Variants in WWP1 observed in about 807,000 individuals in gnomAD.
WWP1 encodes the protein NEDD4-like E3 ubiquitin-protein ligase WWP1.
WWP1 carries 49 observed loss-of-function variants against 130.6 expected under a neutral mutation model. That is an observed-to-expected ratio of 0.38 (90% CI 0.30 to 0.48). The LOEUF is 0.48. Ranked by LOEUF, WWP1 falls within the 20% of genes least tolerant of loss-of-function variation. WWP1 has a pLI of 0.99. For synonymous variants in WWP1, 332 were observed against 367.8 expected (o/e 0.90, Z 1.11); for missense variants, 809 against 1,100.6 (o/e 0.74, Z 3.75).
In WWP1 at chr8:86,438,671, G is replaced by A. The variant is rs150841032; in HGVS notation, c.1836G>A (p.Ala612=). The A allele has an allele frequency of 4.2e-4, 677 of 1,600,554 alleles. No homozygotes were observed. The highest frequency in any genetic ancestry group is 5.4e-4 in the Non-Finnish European group (630 of 1,176,230). ...AAGGACTTGATTATGGTGGCCTAGC[G>A]AGGTAAAATAAAAAACACATATCTG... ...GEEGLDYGGL[A]REWFFLLSHE... The change falls in exon 17 of 25, where the codon GCG becomes GCA. Residue 612 remains alanine, a splice_region_variant and synonymous_variant. Coordinates refer to ENST00000517970, the MANE Select transcript of WWP1 (RefSeq NM_007013.4).
At chr8:86,414,263 A>T (rs1159057461) in intron 9 of WWP1, among the ~76,000 whole-genome samples, 1 of 151,856 alleles carries the variant, frequency 6.6e-6, no homozygotes, top group South Asian at 2.1e-4. Context: ...GTGTGTATGT[A>T]AGTAAAATCA....
intron 17 of WWP1, among the ~76,000 whole-genome samples, chr8:86,440,411 CAT>C (rs1810528993): frequency 6.6e-6 from 1 of 152,174 alleles, no homozygotes; most frequent in Non-Finnish European, 1.5e-5. Flanking sequence ...GTTGCTTTTA[CAT>C]ATAAACAACA....
chr8:86,366,166 G>A (rs1214200759), intron 1 of WWP1, among the ~76,000 whole-genome samples: 3 of 152,218 alleles, frequency 2.0e-5, no homozygotes, highest in Non-Finnish European at 4.4e-5. Flanking sequence ...AGGGAAGAGT[G>A]CAGTGGTAGA....
intron 1 of WWP1, chr8:86,343,162 A>G: frequency 4.7e-6 from 1 of 214,926 alleles, no homozygotes. Context: ...GCCCTGGCAA[A>G]GGCCTGTGCC....
At chr8:86,346,011 A>G (rs1318163290) in intron 1 of WWP1, among the ~76,000 whole-genome samples, 5 of 152,186 alleles carry the variant, frequency 3.3e-5, no homozygotes, top group African/African-American at 1.2e-4. Flanking sequence ...TTTACCATCA[A>G]TTAAATATAG....
intron 8 of WWP1, among the ~76,000 whole-genome samples, chr8:86,406,440 T>A (rs1437133841): frequency 1.3e-5 from 2 of 152,184 alleles, no homozygotes; most frequent in Non-Finnish European, 2.9e-5. Flanking sequence ...CAGAAGTACA[T>A]GATATCACAA....
At chr8:86,366,193 T>C (rs1036933957) in intron 1 of WWP1, among the ~76,000 whole-genome samples, 1 of 151,886 alleles carries the variant, frequency 6.6e-6, no homozygotes, top group Non-Finnish European at 1.5e-5. Flanking sequence ...TAGTGGGAGA[T>C]TGTGGGAAGA....
At position 86,461,068 on chromosome 8, in the gene WWP1, C is replaced by A. The variant is rs376287812; in HGVS notation, c.2500-156C>A. On this transcript the variant is annotated intron_variant, in intron 22 of 24. Coordinates refer to ENST00000517970, the MANE Select transcript of WWP1 (RefSeq NM_007013.4). ...TCGTGATCCGCCTGCTTCGGCCTCC[C>A]AAAATGCTGGGATTACAGGTGTGAG... Among the ~76,000 whole-genome samples, 55 of 152,166 alleles carry A rather than the reference C, an allele frequency of 3.6e-4. No individual in the cohort carries two copies. In the East Asian group the frequency reaches 6.0e-3, roughly 17 times the overall value.
chr8:86,365,619 T>C (rs894048759), intron 1 of WWP1, among the ~76,000 whole-genome samples: 3 of 152,204 alleles, frequency 2.0e-5, no homozygotes, highest in Admixed American at 6.5e-5. Context: ...GTTTTGAATA[T>C]GAATGGATCA....
chr8:86,374,212 CTTT>C, intron 3 of WWP1, 92 bp downstream of exon 3: 1 of 1,061,816 alleles, frequency 9.4e-7, no homozygotes, highest in Non-Finnish European at 1.4e-6. Flanking sequence ...AATAGAATTT[CTTT>C]TAGATTCATA....
At chr8:86,403,122 G>T (rs1263144604) in intron 8 of WWP1, among the ~76,000 whole-genome samples, 1 of 152,026 alleles carries the variant, frequency 6.6e-6, no homozygotes, top group East Asian at 1.9e-4. Flanking sequence ...AAACATCTTA[G>T]GACGTGTTTA....
At position 86,369,978 on chromosome 8, in the gene WWP1, T is replaced by C. The variant is rs185218817; in HGVS notation, c.-22+947T>C. Among the ~76,000 whole-genome samples the C allele has an allele frequency of 1.2e-4, 18 of 152,318 alleles. No homozygotes were observed. The East Asian group carries it at 3.5e-3, about 29-fold the overall frequency. Reference sequence around the variant, plus strand: ...TATGCAAGTCAATAATAAAAAACATTTGGGAACCAACTGCTCAGCTGAAGA... The same window carrying C: ...TATGCAAGTCAATAATAAAAAACATCTGGGAACCAACTGCTCAGCTGAAGA... On this transcript the variant is annotated intron_variant, in intron 2 of 24. Transcript: ENST00000517970.
intron 5 of WWP1, among the ~76,000 whole-genome samples, chr8:86,391,228 T>C (rs1005354675): frequency 6.6e-6 from 1 of 152,250 alleles, no homozygotes. Context: ...TTCATCTGTT[T>C]TGTATAAGCC....
chr8:86,431,519 C>T (rs1183204357), intron 13 of WWP1, 29 bp downstream of exon 13: 2 of 1,611,532 alleles, frequency 1.2e-6, no homozygotes, highest in Admixed American at 3.3e-5. Context: ...CTTAAGTCGT[C>T]TTGCATATAT....
At chr8:86,436,016 C>T (rs13253296) in intron 16 of WWP1, among the ~76,000 whole-genome samples, 41,042 of 152,034 alleles carry the variant, frequency 0.27, 6,408 homozygotes, top group East Asian at 0.54. Flanking sequence ...CCATTTTAAT[C>T]ATAGTTACAC....
In WWP1 at chr8:86,402,354, C is replaced by T. The variant is rs537707925; in HGVS notation, c.724+151C>T. 5.3e-5 allele frequency: 50 copies of T among 951,634 alleles called. 1 individual carries two copies. In the Middle Eastern group the frequency reaches 8.4e-4, roughly 16 times the overall value. 58.9% of individuals were successfully genotyped at this position (951,634 alleles called of 1,614,324 possible). On this transcript the variant is annotated intron_variant, in intron 8 of 24. Coordinates refer to ENST00000517970, the MANE Select transcript of WWP1 (RefSeq NM_007013.4). ...AGGCTGGAGTGCAGTGGTGCGATCTCGGCTCACTGCAACCTCTGCCTCTTG... is the reference window on the plus strand; with the variant it reads ...AGGCTGGAGTGCAGTGGTGCGATCTTGGCTCACTGCAACCTCTGCCTCTTG...
intron 9 of WWP1, among the ~76,000 whole-genome samples, chr8:86,415,455 G>T (rs1245541336): frequency 6.6e-6 from 1 of 152,054 alleles, no homozygotes; most frequent in Admixed American, 6.6e-5. Context: ...ATGAGTTGCA[G>T]ACATCAATAT....
chr8:86,399,693 C>G (rs1287783287), intron 7 of WWP1, among the ~76,000 whole-genome samples: 2 of 152,144 alleles, frequency 1.3e-5, no homozygotes, highest in African/African-American at 4.8e-5. Flanking sequence ...GCTTGAATTA[C>G]TACCAAATGT....
chr8:86,445,136 G>A (rs922713556), intron 18 of WWP1, among the ~76,000 whole-genome samples: 4 of 152,134 alleles, frequency 2.6e-5, no homozygotes, highest in Non-Finnish European at 4.4e-5. Flanking sequence ...AACTAATAGA[G>A]TGAGAACTCA....
Sources: gnomAD v4.1 joint callset for allele counts (sites outside exome capture counted in the v4.1 genomes callset) on GRCh38, gnomAD v4.1.1 for gene constraint, MANE v1.5 for transcripts, NCBI Gene and HGNC (gene_info 2026-07-23, HGNC 2026-07-21) for gene names.